Variants in PLBD1 observed in about 807,000 individuals in gnomAD.
PLBD1 encodes phospholipase B domain containing 1.
In PLBD1, 60 loss-of-function variants were observed where a neutral mutation model predicts 63.0. That is an observed-to-expected ratio of 0.95 (90% CI 0.77 to 1.18). PLBD1 has a LOEUF of 1.18. PLBD1 is among the 50% of genes most tolerant of loss of function. PLBD1 has a pLI of 0.00. For synonymous variants in PLBD1, 262 were observed against 248.0 expected (o/e 1.06, Z -0.53); for missense variants, 598 against 677.9 (o/e 0.88, Z 1.31).
chr12:14,529,989 G>T (rs1168019666), intron 6 of PLBD1, among the ~76,000 whole-genome samples: 1 of 152,192 alleles, frequency 6.6e-6, no homozygotes, highest in Non-Finnish European at 1.5e-5. Flanking sequence ...CTCTTTAAAA[G>T]GTGGATTCTA....
rs1342647788 is a variant in PLBD1 at position 14,511,643 on chromosome 12, T to A, written c.913A>T (p.Ser305Cys). Residue 305 changes from serine to cysteine, a missense_variant, in exon 7 of 11, where the codon AGT (serine) becomes TGT (cysteine). Ser to Cys is a moderately radical substitution (Grantham distance 112, BLOSUM62 -1). Coordinates refer to ENST00000240617, the MANE Select transcript of PLBD1 (RefSeq NM_024829.6). The part of the protein sequence containing the change: ...SGLILLQTTN[S>C]VFNKTLLKQV... ...TTTAGCAGGGTTTTATTAAACACAC[T>A]GTTTGTGGTCTGCAGCAATATCAAT... The A allele has an allele frequency of 3.7e-6, 6 of 1,614,170 alleles. No homozygotes were observed. Among genetic ancestry groups the A allele is most frequent in the Non-Finnish European group, 5.1e-6 (6 of 1,180,012 alleles).
At chr12:14,534,692 C>T (rs892682720) in intron 6 of PLBD1, among the ~76,000 whole-genome samples, 22 of 152,072 alleles carry the variant, frequency 1.4e-4, no homozygotes, top group Non-Finnish European at 2.5e-4. Flanking sequence ...TACAGGCGCC[C>T]GCCACCACGC....
intron 2 of PLBD1, among the ~76,000 whole-genome samples, chr12:14,551,005 T>G (rs915832320): frequency 6.6e-6 from 1 of 151,984 alleles, no homozygotes; most frequent in African/African-American, 2.4e-5. Context: ...ATTGTGCCAC[T>G]GCACTCCAGC....
chr12:14,512,422 A>G (rs1459126330), intron 6 of PLBD1, among the ~76,000 whole-genome samples: 1 of 152,180 alleles, frequency 6.6e-6, no homozygotes, highest in Non-Finnish European at 1.5e-5. Context: ...TGCTGGGATT[A>G]CAGGTGTGGG....
At position 14,567,683 on chromosome 12, in the gene PLBD1, C is replaced by A; in HGVS notation, c.14G>T (p.Gly5Val). ...TGGCAGCCCCGGGCGCCCGCCCGGA[C>A]CGCCGCGGGTCATCGCTCCACGGCC... MTRG[G>V]PGGRPGLPQP... The change falls in exon 1 of 11, where the codon GGT (glycine) becomes GTT (valine). Residue 5 changes from glycine (G) to valine (V), a missense_variant. Physicochemically the swap from Gly to Val is moderately radical, Grantham distance 109 (BLOSUM62 -3). Coordinates refer to ENST00000240617, the MANE Select transcript of PLBD1 (RefSeq NM_024829.6). 1 of 1,463,888 alleles carries A rather than the reference C, an allele frequency of 6.8e-7. No homozygotes were observed. Among genetic ancestry groups the A allele is most frequent in the South Asian group, 1.3e-5 (1 of 74,900 alleles). 90.7% of individuals were successfully genotyped at this position (1,463,888 alleles called of 1,614,324 possible).
At chr12:14,520,037 C>CA (rs1382823908) in intron 6 of PLBD1, among the ~76,000 whole-genome samples, 4 of 152,168 alleles carry the variant, frequency 2.6e-5, no homozygotes, top group Non-Finnish European at 5.9e-5. Context: ...ACTAACTGTG[C>CA]ATGAATGTGG....
intron 2 of PLBD1, among the ~76,000 whole-genome samples, chr12:14,550,170 C>G (rs1945645880): frequency 6.6e-6 from 1 of 152,244 alleles, no homozygotes; most frequent in South Asian, 2.1e-4. Context: ...GAGTGCTTTT[C>G]TCTCTTGTAC....
At chr12:14,507,644 T>C (rs1945266089) in intron 8 of PLBD1, among the ~76,000 whole-genome samples, 2 of 152,136 alleles carry the variant, frequency 1.3e-5, no homozygotes, top group Non-Finnish European at 1.5e-5. Flanking sequence ...ATTTGTTTTG[T>C]TTCTGTTTCT....
At position 14,535,620 on chromosome 12, in the gene PLBD1, G is replaced by A. The variant is rs749111593; in HGVS notation, c.844+39C>T. The A allele has an allele frequency of 2.5e-6, 4 of 1,605,784 alleles. No individual in the cohort carries two copies. The Admixed American group carries it at 6.7e-5, about 27-fold the overall frequency. ...ATCACTAAGGTTTTATCCAGGAATA[G>A]TACTCAAAGTGCTCAGATGTTCCTT... is the stretch of plus-strand genomic sequence containing the variant. On this transcript the variant is annotated intron_variant, in intron 6 of 10. Coordinates refer to ENST00000240617, the MANE Select transcript of PLBD1 (RefSeq NM_024829.6).
chr12:14,538,894 C>G (rs1267533894), intron 4 of PLBD1, among the ~76,000 whole-genome samples: 1 of 151,904 alleles, frequency 6.6e-6, no homozygotes, highest in African/African-American at 2.4e-5. Flanking sequence ...GGCATGGTGG[C>G]GCATGCTTGT....
intron 1 of PLBD1, chr12:14,554,301 A>C (rs868304255): frequency 1.3e-5 from 2 of 152,040 alleles, no homozygotes; most frequent in Non-Finnish European, 1.5e-5. Context: ...ACTCTGTTCT[A>C]TCTTGTATCC....
At chr12:14,541,538 C>G (rs1207843650) in intron 3 of PLBD1, among the ~76,000 whole-genome samples, 1 of 152,166 alleles carries the variant, frequency 6.6e-6, no homozygotes, top group Non-Finnish European at 1.5e-5. Context: ...TCTGACTTGT[C>G]CAGGCTATCA....
intron 10 of PLBD1, among the ~76,000 whole-genome samples, chr12:14,505,760 T>A (rs1002761454): frequency 2.0e-5 from 3 of 152,244 alleles, no homozygotes; most frequent in Non-Finnish European, 4.4e-5. Flanking sequence ...GCTTGAATAA[T>A]ATGTTCTTTG....
At chr12:14,567,327 G>A (rs1237068036) in intron 1 of PLBD1, among the ~76,000 whole-genome samples, 1 of 152,228 alleles carries the variant, frequency 6.6e-6, no homozygotes, top group African/African-American at 2.4e-5. Flanking sequence ...GCGCAGGAGC[G>A]AACCGATTTG....
chr12:14,514,120 CTA>C (rs1239520361), intron 6 of PLBD1, among the ~76,000 whole-genome samples: 1 of 152,150 alleles, frequency 6.6e-6, no homozygotes, highest in African/African-American at 2.4e-5. Context: ...TGCCATTAAG[CTA>C]TAGAGAGCTT....
intron 1 of PLBD1, among the ~76,000 whole-genome samples, chr12:14,557,715 A>G (rs1378379732): frequency 6.6e-6 from 1 of 152,176 alleles, no homozygotes; most frequent in African/African-American, 2.4e-5. Context: ...GAATCAGGAA[A>G]AATAACTAAT....
At chr12:14,563,327 C>T (rs1364333441) in intron 1 of PLBD1, among the ~76,000 whole-genome samples, 1 of 152,046 alleles carries the variant, frequency 6.6e-6, no homozygotes, top group East Asian at 1.9e-4. Flanking sequence ...TGAGACCAAC[C>T]TGGGCAAAAT....
intron 1 of PLBD1, chr12:14,553,659 G>A (rs1200374314): frequency 5.5e-5 from 30 of 548,630 alleles, no homozygotes; most frequent in Middle Eastern, 4.9e-4. Context: ...GCATCATAGA[G>A]GTGAGCCTGA....
chr12:14,507,135 G>T lies in PLBD1; in HGVS notation c.1187-17C>A, dbSNP rs1945262920. 3 of 1,555,794 alleles carry T rather than the reference G, an allele frequency of 1.9e-6. No individual in the cohort carries two copies. Among genetic ancestry groups the T allele is most frequent in the Non-Finnish European group, 1.8e-6 (2 of 1,132,822 alleles). On this transcript the variant is annotated splice_polypyrimidine_tract_variant and intron_variant, in intron 8 of 10. Transcript: ENST00000240617. ...GCCAATATCCTGATTTGGAATGGAA[G>T]GGAAGTAAGGGAGGGATTGACAGGG...
Sources: gnomAD v4.1 joint callset for allele counts (sites outside exome capture counted in the v4.1 genomes callset) on GRCh38, gnomAD v4.1.1 for gene constraint, MANE v1.5 for transcripts, NCBI Gene and HGNC (gene_info 2026-07-23, HGNC 2026-07-21) for gene names.